The following METTL15 variants were observed in gnomAD, a reference collection of about 807,000 sequenced individuals.
METTL15 encodes 12S rRNA N(4)-cytidine methyltransferase METTL15.
A neutral mutation model predicts 38.3 loss-of-function variants in METTL15; 34 were observed. The observed-to-expected ratio is 0.89, with a 90% CI of 0.68 to 1.18. The LOEUF is 1.18. Ranked by LOEUF, METTL15 falls within the 50% of genes most tolerant of loss-of-function variation. The pLI is 0.00. For synonymous variants in METTL15, 162 were observed against 170.9 expected (o/e 0.95, Z 0.41); for missense variants, 438 against 498.4 (o/e 0.88, Z 1.15).
At chr11:28,438,471 G>C (rs1851002546) in intron 6 of METTL15, among the ~76,000 whole-genome samples, 1 of 152,058 alleles carries the variant, frequency 6.6e-6, no homozygotes, top group Non-Finnish European at 1.5e-5. Flanking sequence ...CATATTCCCT[G>C]TGCTTGAGAG....
intron 3 of METTL15, among the ~76,000 whole-genome samples, chr11:28,127,845 A>G (rs1165208750): frequency 1.3e-5 from 2 of 152,152 alleles, no homozygotes; most frequent in Non-Finnish European, 2.9e-5. Context: ...TCACCCCGAC[A>G]GTTAAAAGTT....
chr11:28,459,350 GC>G (rs1416866389), intron 6 of METTL15, among the ~76,000 whole-genome samples: 3 of 152,074 alleles, frequency 2.0e-5, no homozygotes, highest in African/African-American at 7.2e-5. Flanking sequence ...ATAAACTGAT[GC>G]CCAATGGATT....
At chr11:28,290,475 A>G (rs1856469447) in intron 5 of METTL15, 78 bp downstream of exon 5, 2 of 1,387,922 alleles carry the variant, frequency 1.4e-6, no homozygotes, top group Admixed American at 2.1e-5. Context: ...TTTTTTTAAG[A>G]CTACAGAATT....
At chr11:28,262,528 C>T (rs1169696385) in intron 4 of METTL15, among the ~76,000 whole-genome samples, 2 of 151,858 alleles carry the variant, frequency 1.3e-5, no homozygotes, top group Non-Finnish European at 2.9e-5. Flanking sequence ...ATTACTTCTG[C>T]TAGGGTGAAA....
At chr11:28,359,138 T>C (rs1384391051) in intron 4 of METTL15, among the ~76,000 whole-genome samples, 1 of 152,188 alleles carries the variant, frequency 6.6e-6, no homozygotes, top group Non-Finnish European at 1.5e-5. Context: ...TTTATGTCCA[T>C]GTGTACCCAA....
At chr11:28,297,434 T>C (rs1239689145) in intron 6 of METTL15, among the ~76,000 whole-genome samples, 5 of 152,144 alleles carry the variant, frequency 3.3e-5, no homozygotes, top group Admixed American at 2.6e-4. Flanking sequence ...ATATCTGTTC[T>C]AAACAACCAA....
chr11:28,506,660 G>A (rs778115895), intron 6 of METTL15, among the ~76,000 whole-genome samples: 1 of 150,108 alleles, frequency 6.7e-6, no homozygotes, highest in Non-Finnish European at 1.5e-5. Context: ...ACTGTGGCCT[G>A]TATCCCTTTT....
At chr11:28,139,667 T>C (rs1028943680) in intron 3 of METTL15, among the ~76,000 whole-genome samples, 14 of 151,962 alleles carry the variant, frequency 9.2e-5, no homozygotes, top group Non-Finnish European at 1.6e-4. Flanking sequence ...AAGGTAAATC[T>C]GTGGTGCTGA....
chr11:28,373,715 G>C (rs1180993293), intron 5 of METTL15, among the ~76,000 whole-genome samples: 1 of 152,158 alleles, frequency 6.6e-6, no homozygotes, highest in Non-Finnish European at 1.5e-5. Flanking sequence ...ATTGCTTTTG[G>C]TGTTTTAGAC....
chr11:28,134,084 G>A (rs1849433479), intron 3 of METTL15, among the ~76,000 whole-genome samples: 1 of 152,120 alleles, frequency 6.6e-6, no homozygotes, highest in South Asian at 2.1e-4. Context: ...TATTCCTAAC[G>A]GAACAACATG....
chr11:28,390,699 C>T (rs1388729863), intron 5 of METTL15, among the ~76,000 whole-genome samples: 1 of 152,190 alleles, frequency 6.6e-6, no homozygotes, highest in African/African-American at 2.4e-5. Context: ...TTAGGATTGA[C>T]TTGGCAATGC....
chr11:28,121,369 T>A (rs1278213508), intron 3 of METTL15, among the ~76,000 whole-genome samples: 1 of 152,176 alleles, frequency 6.6e-6, no homozygotes, highest in East Asian at 1.9e-4. Context: ...ATTGGCTTTT[T>A]AATTTATGCA....
chr11:28,304,850 T>G (rs1252886835), intron 6 of METTL15, among the ~76,000 whole-genome samples: 2 of 152,190 alleles, frequency 1.3e-5, no homozygotes, highest in Non-Finnish European at 2.9e-5. Context: ...CTTCCTTCAT[T>G]TTTCTCAAAA....
chr11:28,239,639 TGC>T (rs1230935174), intron 4 of METTL15, among the ~76,000 whole-genome samples: 1 of 152,188 alleles, frequency 6.6e-6, no homozygotes, highest in Non-Finnish European at 1.5e-5. Context: ...ACTCTGTTCT[TGC>T]CCCACCAGCT....
rs1214374863 is a variant in METTL15 at position 28,110,378 on chromosome 11, A to G, written c.-41A>G. 6.6e-6 allele frequency: 1 copy of G among 152,270 alleles called. No homozygotes were observed. The highest frequency in any genetic ancestry group is 1.5e-5 in the Non-Finnish European group (1 of 68,066). 9.4% of individuals were successfully genotyped at this position (152,270 alleles called of 1,614,324 possible). The stretch of plus-strand genomic sequence containing the variant: ...TAGTCGCTGGCCCGAGTTAGAGGCC[A>G]GCTGAGAAGTCTTCGTGCTTCAGGT... On this transcript the variant is annotated 5_prime_UTR_variant, in exon 2 of 7. Transcript: ENST00000407364.
chr11:28,393,314 G>A (rs1850531307), intron 5 of METTL15, among the ~76,000 whole-genome samples: 1 of 152,030 alleles, frequency 6.6e-6, no homozygotes, highest in East Asian at 1.9e-4. Flanking sequence ...AGAAAATGTG[G>A]TATATACATA....
At chr11:28,203,352 A>T (rs967631307) in intron 3 of METTL15, among the ~76,000 whole-genome samples, 3 of 152,072 alleles carry the variant, frequency 2.0e-5, no homozygotes, top group Non-Finnish European at 4.4e-5. Context: ...TTTCTTGGAG[A>T]CTTAATTAGC....
At chr11:28,357,357 T>A (rs1850099061) in intron 4 of METTL15, among the ~76,000 whole-genome samples, 1 of 152,208 alleles carries the variant, frequency 6.6e-6, no homozygotes, top group Non-Finnish European at 1.5e-5. Context: ...CATAAATATT[T>A]CCTTTTCTCC....
chr11:28,492,641 AGGTCTCT>A (rs1851506060), intron 6 of METTL15, among the ~76,000 whole-genome samples: 2 of 152,108 alleles, frequency 1.3e-5, no homozygotes, highest in African/African-American at 4.8e-5. Flanking sequence ...AGCCTATGTC[AGGTCTCT>A]ATTTGTAATT....
Sources: allele counts gnomAD v4.1 joint callset (sites outside exome capture counted in the v4.1 genomes callset), GRCh38; gene constraint gnomAD v4.1.1; transcripts MANE v1.5; gene names NCBI Gene and HGNC (gene_info 2026-07-23, HGNC 2026-07-21).